DIS3L2: variants seen among roughly 807,000 people sequenced by gnomAD.
DIS3L2 encodes the protein DIS3 like 3'-5' exoribonuclease 2, also known as DIS3-like exonuclease 2.
DIS3L2 carries 34 observed loss-of-function variants against 97.5 expected under a neutral mutation model. That is an observed-to-expected ratio of 0.35 (90% CI 0.27 to 0.46). The LOEUF (loss-of-function observed/expected upper bound fraction) is 0.46, where lower values mean the gene tolerates loss of function less well. Among genes scored for constraint, DIS3L2 ranks in the 20% least tolerant of loss-of-function variants. The pLI is 1.00. For synonymous variants in DIS3L2, 435 were observed against 445.2 expected (o/e 0.98, Z 0.29); for missense variants, 1,038 against 1,146.0 (o/e 0.91, Z 1.36).
intron 5 of DIS3L2, among the ~76,000 whole-genome samples, chr2:232,057,161 A>G (rs1695567892): frequency 6.6e-6 from 1 of 152,216 alleles, no homozygotes; most frequent in Admixed American, 6.5e-5. Context: ...GGTTCTACTT[A>G]TAAGCATAAA....
intron 1 of DIS3L2, among the ~76,000 whole-genome samples, chr2:231,986,826 T>TAGCTAAAA (rs1559517380): frequency 6.6e-6 from 1 of 152,232 alleles, no homozygotes. Context: ...AGCCTGTTTG[T>TAGCTAAAA]AGTAGCACTT....
chr2:232,342,342 G>C (rs185453950), intron 13 of DIS3L2, among the ~76,000 whole-genome samples: 104 of 150,154 alleles, frequency 6.9e-4, no homozygotes, highest in African/African-American at 2.4e-3. Context: ...CAGACATGAA[G>C]AAGTATCTTA....
chr2:231,992,998 A>G (rs1318143799), intron 1 of DIS3L2, among the ~76,000 whole-genome samples: 4 of 151,822 alleles, frequency 2.6e-5, no homozygotes, highest in Non-Finnish European at 4.4e-5. Flanking sequence ...TCTGTGTTCA[A>G]TTTCAGTTGC....
intron 5 of DIS3L2, among the ~76,000 whole-genome samples, chr2:232,063,174 A>G (rs1419516830): frequency 6.6e-6 from 1 of 151,928 alleles, no homozygotes; most frequent in Admixed American, 6.6e-5. Flanking sequence ...CCATTGCACC[A>G]TGTTATTTTT....
chr2:232,014,013 G>A (rs1694283749), intron 1 of DIS3L2, among the ~76,000 whole-genome samples: 1 of 152,174 alleles, frequency 6.6e-6, no homozygotes, highest in South Asian at 2.1e-4. Flanking sequence ...TCATTTTGTG[G>A]GAACTCAGGC....
intron 13 of DIS3L2, among the ~76,000 whole-genome samples, chr2:232,285,662 T>C (rs1694409145): frequency 6.6e-6 from 1 of 152,174 alleles, no homozygotes; most frequent in South Asian, 2.1e-4. Context: ...CATTTCCAGG[T>C]TGGCCGGGGT....
intron 1 of DIS3L2, among the ~76,000 whole-genome samples, chr2:231,997,313 A>G (rs914690562): frequency 6.6e-6 from 1 of 152,222 alleles, no homozygotes; most frequent in African/African-American, 2.4e-5. Flanking sequence ...CCCTTTCAGG[A>G]CATTTAATCT....
At chr2:232,052,169 C>A (rs900600218) in intron 5 of DIS3L2, among the ~76,000 whole-genome samples, 1 of 151,952 alleles carries the variant, frequency 6.6e-6, no homozygotes, top group Non-Finnish European at 1.5e-5. Flanking sequence ...ATTACAGATG[C>A]CCATCACCAT....
intron 3 of DIS3L2, 89 bp from the exon 4 acceptor site, chr2:232,024,188 T>G: frequency 1.0e-6 from 1 of 975,196 alleles, no homozygotes; most frequent in South Asian, 1.6e-5. Context: ...ACCTGTTTAA[T>G]TTTAAAACTT....
At chr2:232,202,312 C>CGCTT (rs1691914436) in intron 9 of DIS3L2, among the ~76,000 whole-genome samples, 1 of 152,054 alleles carries the variant, frequency 6.6e-6, no homozygotes, top group African/African-American at 2.4e-5. Flanking sequence ...GCAGGAGAAC[C>CGCTT]GCTTGAACCT....
intron 1 of DIS3L2, among the ~76,000 whole-genome samples, chr2:231,989,284 A>G (rs1281805601): frequency 6.6e-6 from 1 of 151,612 alleles, no homozygotes; most frequent in East Asian, 1.9e-4. Flanking sequence ...TAAATAGAAT[A>G]TTTTGCCAGT....
rs1692945860 is a variant in DIS3L2 at position 232,236,835 on chromosome 2, T to TC, written c.1205-1697dup. Among the ~76,000 whole-genome samples the TC allele has an allele frequency of 2.0e-5, 3 of 152,182 alleles. 1 individual carries two copies. The highest frequency in any genetic ancestry group is 2.0e-4 in the Admixed American group (3 of 15,290). On this transcript the variant is annotated intron_variant, in intron 10 of 20. Transcript: ENST00000325385. ...GGCACAATCTCAGCTCACTACAACC[T>TC]CTGCCTCCAAGGTTCAAGCAGTTCT...
At chr2:231,967,062 AC>A (rs1413412798) in intron 1 of DIS3L2, among the ~76,000 whole-genome samples, 1 of 152,128 alleles carries the variant, frequency 6.6e-6, no homozygotes, top group African/African-American at 2.4e-5. Flanking sequence ...TCTGGGATGT[AC>A]TAATGATGAC....
rs1476602029 is a variant in DIS3L2 at position 232,015,542 on chromosome 2, C to T, written c.81C>T (p.Asp27=). 1.2e-6 allele frequency: 2 copies of T among 1,614,014 alleles called. No homozygotes were observed. Among genetic ancestry groups the T allele is most frequent in the African/African-American group, 1.3e-5 (1 of 75,034 alleles). The part of the protein sequence containing the change: ...RGVSAVAGPH[D]IGASPGDKKS... ...TGTCTGCTGTGGCTGGTCCACATGA[C>T]ATTGGTGCTTCGCCAGGTGACAAAA... Residue 27 remains aspartate, a synonymous_variant, in exon 3 of 21, where the codon GAC becomes GAT. Coordinates refer to ENST00000325385, the MANE Select transcript of DIS3L2 (RefSeq NM_152383.5).
At chr2:232,290,785 A>G (rs964560943) in intron 13 of DIS3L2, among the ~76,000 whole-genome samples, 1 of 152,208 alleles carries the variant, frequency 6.6e-6, no homozygotes, top group Non-Finnish European at 1.5e-5. Context: ...GCAGGGAGGC[A>G]TCATCCAATG....
In DIS3L2 at chr2:232,343,628, TA is replaced by T. The variant is rs1412710842; in HGVS notation, c.*56del. ...AGAAGGAAAGATTATGGAAAGAAAG[TA>T]AACAGGTAAAGGCTGAAAAGGCCAG... On this transcript the variant is annotated 3_prime_UTR_variant, in exon 14 of 14. Coordinates refer to the DIS3L2 transcript ENST00000273009. The T allele has an allele frequency of 1.3e-4, 195 of 1,543,332 alleles. 1 individual carries two copies. Among genetic ancestry groups the T allele is most frequent in the Non-Finnish European group, 1.6e-4 (180 of 1,135,028 alleles).
chr2:232,267,432 T>TG (rs1559183425), intron 13 of DIS3L2, among the ~76,000 whole-genome samples: 10 of 152,226 alleles, frequency 6.6e-5, no homozygotes, highest in South Asian at 2.1e-4. Context: ...TTGTGCTTTT[T>TG]GGTTGGATGG....
At chr2:232,310,257 G>A (rs940905818) in intron 14 of DIS3L2, among the ~76,000 whole-genome samples, 1 of 152,232 alleles carries the variant, frequency 6.6e-6, no homozygotes, top group Admixed American at 6.5e-5. Flanking sequence ...GGGGCTTGGG[G>A]GAAGTTGGAA....
intron 3 of DIS3L2, among the ~76,000 whole-genome samples, chr2:232,020,659 A>G (rs1190963602): frequency 2.0e-5 from 3 of 152,154 alleles, no homozygotes; most frequent in Non-Finnish European, 4.4e-5. Flanking sequence ...GAGGCTGTTC[A>G]CAGTAGTTGA....
Sources: allele counts gnomAD v4.1 joint callset (sites outside exome capture counted in the v4.1 genomes callset), GRCh38; gene constraint gnomAD v4.1.1; transcripts MANE v1.5; gene names NCBI Gene and HGNC (gene_info 2026-07-23, HGNC 2026-07-21).